Variants in HIBCH observed in about 807,000 individuals in gnomAD.
HIBCH encodes 3-hydroxyisobutyryl-CoA hydrolase, mitochondrial.
In HIBCH, 50 loss-of-function variants were observed where a neutral mutation model predicts 58.2. The observed-to-expected ratio is 0.86, with a 90% confidence interval of 0.68 to 1.09. The LOEUF is 1.09. Ranked by LOEUF, HIBCH falls within the 50% of genes least tolerant of loss-of-function variation. HIBCH has a pLI of 0.00. For missense variants in HIBCH, 450 were observed against 449.7 expected (o/e 1.00, Z -0.01); for synonymous variants, 151 against 146.9 (o/e 1.03, Z -0.20).
chr2:190,260,952 T>C (rs540328510), intron 7 of HIBCH, among the ~76,000 whole-genome samples: 1 of 152,332 alleles, frequency 6.6e-6, no homozygotes, highest in South Asian at 2.1e-4. Flanking sequence ...TCTCCTTTAA[T>C]GTTCTCAGTT....
chr2:190,218,565 A>C (rs1438848038), intron 11 of HIBCH, among the ~76,000 whole-genome samples: 1 of 152,132 alleles, frequency 6.6e-6, no homozygotes, highest in Non-Finnish European at 1.5e-5. Context: ...CCCTTAAGAC[A>C]CTAACTTTAA....
chr2:190,288,173 T>A lies in HIBCH; in HGVS notation c.386-535A>T, dbSNP rs2353896. Among the ~76,000 whole-genome samples, 3 of 578 alleles carry A rather than the reference T, an allele frequency of 5.2e-3. 1 individual carries two copies. The highest frequency in any genetic ancestry group is 0.011 in the Non-Finnish European group (2 of 178). 0.4% of individuals were successfully genotyped at this position (578 alleles called of 152,430 possible). Reference sequence around the variant, plus strand: ...GACCCTATCTTTTTTTTTTTTTTTTTTAAAAAAAGGAAGAGCTATGTCACA... The same window carrying A: ...GACCCTATCTTTTTTTTTTTTTTTTATAAAAAAAGGAAGAGCTATGTCACA... On this transcript the variant is annotated intron_variant, in intron 5 of 13. Coordinates refer to ENST00000359678, the MANE Select transcript of HIBCH (RefSeq NM_014362.4).
chr2:190,226,431 A>T (rs1295171178), intron 11 of HIBCH, among the ~76,000 whole-genome samples: 1 of 152,110 alleles, frequency 6.6e-6, no homozygotes, highest in Non-Finnish European at 1.5e-5. Flanking sequence ...CACCATCTCT[A>T]CTAAAAATAC....
intron 12 of HIBCH, 57 bp downstream of exon 12, chr2:190,212,899 A>G: frequency 6.8e-7 from 1 of 1,464,346 alleles, no homozygotes; most frequent in Non-Finnish European, 9.5e-7. Context: ...CAAGTTCTAC[A>G]ATAAACGTAT....
intron 6 of HIBCH, among the ~76,000 whole-genome samples, chr2:190,269,864 C>T (rs1032665793): frequency 6.6e-6 from 1 of 152,164 alleles, no homozygotes; most frequent in African/African-American, 2.4e-5. Flanking sequence ...AAATGTGGCA[C>T]ATACACACCA....
intron 11 of HIBCH, among the ~76,000 whole-genome samples, chr2:190,228,609 C>G (rs1685993715): frequency 1.3e-5 from 2 of 151,880 alleles, no homozygotes; most frequent in African/African-American, 4.8e-5. Context: ...ATTATTGGGA[C>G]TTGGATCTTT....
chr2:190,249,627 T>G lies in HIBCH; in HGVS notation c.750+13A>C. The G allele has an allele frequency of 4.7e-6, 7 of 1,473,804 alleles. No individual in the cohort carries two copies. Among genetic ancestry groups the G allele is most frequent in the Admixed American group, 1.7e-5 (1 of 59,706 alleles). The allele number at this position is 1,473,804 out of a possible 1,614,324, so 91.3% of individuals were successfully genotyped here. A position where few individuals can be genotyped will look rare whatever the true frequency, so the allele number is the denominator to read the frequency against. ...TGAATTAAAACCTGAGGTTAGAATA[T>G]TAACAAGATTACCTCTGTATGGTAA... On this transcript the variant is annotated intron_variant, in intron 9 of 13. Coordinates refer to ENST00000359678, the MANE Select transcript of HIBCH (RefSeq NM_014362.4).
chr2:190,295,515 T>C (rs1408074462), intron 3 of HIBCH, among the ~76,000 whole-genome samples: 1 of 152,230 alleles, frequency 6.6e-6, no homozygotes, highest in Non-Finnish European at 1.5e-5. Flanking sequence ...TGTGGCATCA[T>C]GTTGATGCTT....
chr2:190,226,288 T>C (rs1162096366), intron 11 of HIBCH, among the ~76,000 whole-genome samples: 2 of 148,422 alleles, frequency 1.3e-5, no homozygotes, highest in Non-Finnish European at 3.0e-5. Context: ...GAAATAAAGG[T>C]ATTCAATTAG....
chr2:190,227,501 T>C (rs1009870520), intron 11 of HIBCH, among the ~76,000 whole-genome samples: 3 of 152,194 alleles, frequency 2.0e-5, no homozygotes, highest in Admixed American at 6.5e-5. Context: ...ATTCAGGCCA[T>C]AGGCATGGGC....
In HIBCH at chr2:190,249,766, A is replaced by G. The variant is rs367838885; in HGVS notation, c.664-40T>C. The G allele has an allele frequency of 9.1e-6, 11 of 1,213,018 alleles. No individual in the cohort carries two copies. The African/African-American group carries it at 1.6e-4, about 18-fold the overall frequency. 75.1% of individuals were successfully genotyped at this position (1,213,018 alleles called of 1,614,324 possible). On this transcript the variant is annotated intron_variant, in intron 8 of 13. Coordinates refer to ENST00000359678, the MANE Select transcript of HIBCH (RefSeq NM_014362.4). ...GAAAAAAAGGAAAGATCTTAGATCCAATAGAAACATAGAAAGCTTTATAAA... is the reference window on the plus strand; with the variant it reads ...GAAAAAAAGGAAAGATCTTAGATCCGATAGAAACATAGAAAGCTTTATAAA...
chr2:190,272,005 C>T (rs2664241), intron 6 of HIBCH, among the ~76,000 whole-genome samples: 110,049 of 152,050 alleles, frequency 0.72, 40,315 homozygotes, highest in Non-Finnish European at 0.75. Flanking sequence ...GCACCAACCA[C>T]ATCGCATTCT....
At position 190,287,579 on chromosome 2, in the gene HIBCH, TA is replaced by T; in HGVS notation, c.438+6del. 6.3e-7 allele frequency: 1 copy of T among 1,592,216 alleles called. No individual in the cohort carries two copies. The highest frequency in any genetic ancestry group is 1.1e-5 in the South Asian group (1 of 90,558). On this transcript the variant is annotated splice_donor_region_variant and intron_variant, in intron 6 of 13. Transcript: ENST00000359678. ...CATACAATGATCAGAGTAAAAAGTC[TA>T]CTTACCCCACCCATTGTAATTCCAT...
At chr2:190,266,840 T>C (rs925904362) in intron 6 of HIBCH, among the ~76,000 whole-genome samples, 1 of 151,968 alleles carries the variant, frequency 6.6e-6, no homozygotes, top group Non-Finnish European at 1.5e-5. Context: ...CACTGCAACC[T>C]CTGCCTCCTG....
chr2:190,300,941 C>T (rs2251866), intron 2 of HIBCH, among the ~76,000 whole-genome samples: 152,017 of 152,372 alleles, frequency 1, 75,834 homozygotes, highest in Non-Finnish European at 1. Flanking sequence ...TAGTCAGGCT[C>T]GTCAAAGATC....
chr2:190,266,066 T>C (rs1404237254), intron 6 of HIBCH, among the ~76,000 whole-genome samples: 2 of 152,244 alleles, frequency 1.3e-5, no homozygotes, highest in African/African-American at 2.4e-5. Context: ...CATTTGGGAT[T>C]TCCCTATTAT....
intron 11 of HIBCH, among the ~76,000 whole-genome samples, chr2:190,222,714 G>A (rs12472258): frequency 0.16 from 24,598 of 152,176 alleles, 2,595 homozygotes; most frequent in Admixed American, 0.33. Flanking sequence ...ACAGTGTGGT[G>A]ATTCTTCAAG....
At chr2:190,259,454 G>A (rs1482902628) in intron 7 of HIBCH, among the ~76,000 whole-genome samples, 9 of 151,440 alleles carry the variant, frequency 5.9e-5, no homozygotes, top group Non-Finnish European at 1.2e-4. Flanking sequence ...TACTTTCAGG[G>A]CTCAAGCCAT....
At chr2:190,261,130 T>A in intron 7 of HIBCH, 26 bp downstream of exon 7, 2 of 1,540,208 alleles carry the variant, frequency 1.3e-6, no homozygotes, top group Non-Finnish European at 1.8e-6. Context: ...CTAAAAGTAA[T>A]TATAAAAAAA....
Sources: allele counts gnomAD v4.1 joint callset (sites outside exome capture counted in the v4.1 genomes callset), GRCh38; gene constraint gnomAD v4.1.1; transcripts MANE v1.5; gene names NCBI Gene and HGNC (gene_info 2026-07-23, HGNC 2026-07-21).